The following EPPK1 variants were observed in gnomAD, a reference collection of about 807,000 sequenced individuals.
The protein encoded by EPPK1 is epiplakin 1.
For missense variants in EPPK1, 3,823 were observed against 3,673.3 expected (o/e 1.04, Z -1.05); for synonymous variants, 1,862 against 1,721.2 (o/e 1.08, Z -2.03).
chr8:143,877,521 G>A (rs550044915), intron 1 of EPPK1, among the ~76,000 whole-genome samples: 2 of 152,298 alleles, frequency 1.3e-5, no homozygotes, highest in East Asian at 3.9e-4. Flanking sequence ...AAGTGGTGGA[G>A]GGCCGTTCCT....
chr8:143,866,170 C>G lies in EPPK1; in HGVS notation c.7084G>C (p.Ala2362Pro). 2.4e-6 allele frequency: 1 copy of G among 412,478 alleles called. No individual in the cohort carries two copies. Among genetic ancestry groups the G allele is most frequent in the Non-Finnish European group, 4.0e-6 (1 of 246,934 alleles). The allele number at this position is 412,478 out of a possible 1,614,324, so 25.6% of individuals were successfully genotyped here. ...VHSHRVPVDV[A>P]YRRGYFDEEM... is the part of the protein sequence containing the mutation. The stretch of plus-strand genomic sequence containing the variant: ...TCGTCGAAGTAGCCGCGCCGGTAGG[C>G]CACGTCCACGGGCACGCGGTGGCTG... The change falls in exon 2 of 2, where the codon GCC becomes CCC. Residue 2362 changes from alanine to proline, a missense_variant. Transcript: ENST00000615648.
At position 143,873,113 on chromosome 8, in the gene EPPK1, A is replaced by G. The variant is rs1394714028; in HGVS notation, c.141T>C (p.Tyr47=). The G allele has an allele frequency of 5.7e-6, 9 of 1,567,852 alleles. No individual in the cohort carries two copies. The highest frequency in any genetic ancestry group is 2.2e-5 in the East Asian group (1 of 44,518). Residue 47 remains tyrosine (Y), a synonymous_variant, in exon 2 of 2, where the codon TAT becomes TAC. Coordinates refer to ENST00000615648, the MANE Select transcript of EPPK1 (RefSeq NM_031308.4). ...TCTGGGCCTGGCCCGAGGCCTCCAC[A>G]TACACCCCAGCTATGCTCCTGGCCT... ...RPQARSIAGV[Y]VEASGQAQSV...
chr8:143,874,621 G>A lies in EPPK1; in HGVS notation c.-45-1323C>T, dbSNP rs528084037. 4.3e-4 allele frequency among the ~76,000 whole-genome samples: 66 copies of A among 152,254 alleles called. 1 individual carries two copies. The highest frequency in any genetic ancestry group is 3.7e-3 in the Admixed American group (57 of 15,288). ...CGGCCCTGCCCACTCCTCGCCTTCCGGCTTCTGGCCTCTAGAGCTGTGAGA... is the reference window on the plus strand; with the variant it reads ...CGGCCCTGCCCACTCCTCGCCTTCCAGCTTCTGGCCTCTAGAGCTGTGAGA... On this transcript the variant is annotated intron_variant, in intron 1 of 1. Transcript: ENST00000615648.
In EPPK1 at chr8:143,869,146, G is replaced by A. The variant is rs1252176868; in HGVS notation, c.4108C>T (p.His1370Tyr). Residue 1370 changes from histidine to tyrosine, a missense_variant, in exon 2 of 2, where the codon CAC becomes TAC. Coordinates refer to ENST00000615648, the MANE Select transcript of EPPK1 (RefSeq NM_031308.4). ...LATGGVVDPV[H>Y]GVHLPQAAAC... The stretch of plus-strand genomic sequence containing the variant: ...GCCGCCTGGGGCAGGTGCACCCCGT[G>A]GACAGGGTCCACCACACCCCCTGTG... 1 of 1,606,492 alleles carries A rather than the reference G, an allele frequency of 6.2e-7. No individual in the cohort carries two copies. The highest frequency in any genetic ancestry group is 1.1e-5 in the South Asian group (1 of 91,016).
In EPPK1 at chr8:143,871,386, C is replaced by A. The variant is rs782736147; in HGVS notation, c.1868G>T (p.Arg623Leu). ...GCATCGGGCCTCATAGATGCTCAGG[C>A]GTTCCTGGGAGCCAGGGAGCAGCAG... Reference protein sequence around the residue: ...AGLLLPGSQERLSIYEARCKG... With the variant: ...AGLLLPGSQELLSIYEARCKG... Residue 623 changes from arginine (R) to leucine (L), a missense_variant, in exon 2 of 2, where the codon CGC becomes CTC. Physicochemically the swap from Arg to Leu is moderately radical, Grantham distance 102. Coordinates refer to ENST00000615648, the MANE Select transcript of EPPK1 (RefSeq NM_031308.4). 6.2e-7 allele frequency: 1 copy of A among 1,606,242 alleles called. No homozygotes were observed. The highest frequency in any genetic ancestry group is 1.3e-5 in the African/African-American group (1 of 74,844).
rs577658185 is a variant in EPPK1, at chr8:143,870,780, C to T, written c.2474G>A (p.Arg825Gln). 4.3e-6 allele frequency: 7 copies of T among 1,612,714 alleles called. No homozygotes were observed. Among genetic ancestry groups the T allele is most frequent in the East Asian group, 2.2e-5 (1 of 44,878 alleles). The change falls in exon 2 of 2, where the codon CGG becomes CAG. Residue 825 changes from arginine to glutamine, a missense_variant. Arg to Gln is a conservative substitution (Grantham distance 43). Transcript: ENST00000615648. The surrounding 1 kb of genome is among the most constrained non-coding windows in gnomAD (Gnocchi z 5.2). ...QNLLLSVKYG[R>Q]FQGQRVSAWE... ...CGCGGAGACCCTCTGCCCCTGAAAC[C>T]GTCCATACTTCACGGAGAGCAGCAG...
intron 1 of EPPK1, among the ~76,000 whole-genome samples, chr8:143,873,515 C>A (rs1362508240): frequency 6.6e-6 from 1 of 152,082 alleles, no homozygotes; most frequent in South Asian, 2.1e-4. Context: ...GGCGCAGGCA[C>A]CCAGGCGGCG....
chr8:143,858,001 G>C lies in EPPK1; in HGVS notation c.15253C>G (p.Leu5085Val), dbSNP rs782523266. 15 of 1,604,920 alleles carry C rather than the reference G, an allele frequency of 9.3e-6. No homozygotes were observed. Among genetic ancestry groups the C allele is most frequent in the African/African-American group, 5.4e-5 (4 of 74,576 alleles). The change falls in exon 2 of 2, where the codon CTC (leucine) becomes GTC (valine). Residue 5085 changes from leucine to valine, a missense_variant. Coordinates refer to ENST00000615648, the MANE Select transcript of EPPK1 (RefSeq NM_031308.4). ...AGGAAGCCCAGTCACTGTAGAGAGA[G>C]AGAAAGAAATAGGAGCCCCGTCTCA... ...DPETGLLFLSLSLQ is the reference protein window; with the variant it reads ...DPETGLLFLSVSLQ
At position 143,872,055 on chromosome 8, in the gene EPPK1, G is replaced by T. The variant is rs1478917697; in HGVS notation, c.1199C>A (p.Ala400Asp). ...TGCTGGACAGACCAGCCCGCCTGTG[G>T]CCAGCTGGGCATCCAAGAGCCGCAG... ...LALRLLDAQL[A>D]TGGLVCPARR... is the part of the protein sequence containing the mutation. The change falls in exon 2 of 2, where the codon GCC becomes GAC. Residue 400 changes from alanine to aspartate, a missense_variant. By Grantham distance (126) the Ala-to-Asp change is moderately radical. Transcript: ENST00000615648. The T allele has an allele frequency of 1.9e-6, 3 of 1,560,502 alleles. No individual in the cohort carries two copies. Among genetic ancestry groups the T allele is most frequent in the East Asian group, 4.8e-5 (2 of 41,872 alleles).
In EPPK1 at chr8:143,872,764, C is replaced by T. The variant is rs200950566; in HGVS notation, c.490G>A (p.Ala164Thr). The T allele has an allele frequency of 3.1e-4, 492 of 1,584,436 alleles. 3 individuals are homozygous for T. In the African/African-American group the frequency reaches 4.9e-3, roughly 16 times the overall value. ...QLATGGLVDP[A>T]QGVLVAPEPA... ...TCAGGGGCCACGAGCACTCCCTGGG[C>T]GGGGTCCACCAGGCCCCCAGTGGCC... The change falls in exon 2 of 2, where the codon GCC (alanine) becomes ACC (threonine). Residue 164 changes from alanine to threonine, a missense_variant. Transcript: ENST00000615648.
rs372412135 is a variant in EPPK1, at chr8:143,868,163, G to T, written c.5091C>A (p.His1697Gln). 1.9e-6 allele frequency: 3 copies of T among 1,613,038 alleles called. No homozygotes were observed. Among genetic ancestry groups the T allele is most frequent in the Non-Finnish European group, 2.5e-6 (3 of 1,180,028 alleles). ...GGTAGGCCACGTCCACGGGCACGCGGTGGCTGTGCACGGGGTCGATGATGC... is the reference window on the plus strand; with the variant it reads ...GGTAGGCCACGTCCACGGGCACGCGTTGGCTGTGCACGGGGTCGATGATGC... The part of the protein sequence containing the change: ...TGGIIDPVHS[H>Q]RVPVDVAYRC... Residue 1697 changes from histidine to glutamine, a missense_variant, in exon 2 of 2, where the codon CAC becomes CAA. Coordinates refer to ENST00000615648, the MANE Select transcript of EPPK1 (RefSeq NM_031308.4).
At chr8:143,878,607 T>G (rs1434779151), upstream of EPPK1, 2 of 151,150 alleles carry the variant, frequency 1.3e-5, no homozygotes, top group African/African-American at 4.9e-5. Flanking sequence ...GCCTGGCGCT[T>G]GCACCCCGGG....
chr8:143,871,006 C>T lies in EPPK1; in HGVS notation c.2248G>A (p.Asp750Asn), dbSNP rs782440328. Residue 750 changes from aspartate to asparagine, a missense_variant, in exon 2 of 2, where the codon GAT (aspartate) becomes AAT (asparagine). Physicochemically the swap from Asp to Asn is conservative, Grantham distance 23. Transcript: ENST00000615648. ...AACAGGATCAAGTTCAGCATCTGAT[C>T]GAAGTAGCCGCGCCGGTAGGCCACG... ...VDVAYRRGYFDQMLNLILLDP... is the reference protein window; with the variant it reads ...VDVAYRRGYFNQMLNLILLDP... 1.5e-4 allele frequency: 241 copies of T among 1,613,146 alleles called. 2 individuals are homozygous for T. In the South Asian group the frequency reaches 1.7e-3, roughly 11 times the overall value.
chr8:143,867,832 C>T lies in EPPK1; in HGVS notation c.5422G>A (p.Asp1808Asn). 6.2e-7 allele frequency: 1 copy of T among 1,613,526 alleles called. No individual in the cohort carries two copies. Among genetic ancestry groups the T allele is most frequent in the Non-Finnish European group, 8.5e-7 (1 of 1,179,826 alleles). Residue 1808 changes from aspartate (D) to asparagine (N), a missense_variant, in exon 2 of 2, where the codon GAC becomes AAC. Coordinates refer to ENST00000615648, the MANE Select transcript of EPPK1 (RefSeq NM_031308.4). ...TCCTGGATGAGCTCCCGCTTCCTGT[C>T]CTCTGTGAAGTATGGAGAGGACAGC... ...DLLSSPYFTE[D>N]RKRELIQEYG...
At chr8:143,873,507 C>T (rs1819423290) in intron 1 of EPPK1, among the ~76,000 whole-genome samples, 2 of 152,064 alleles carry the variant, frequency 1.3e-5, no homozygotes, top group Admixed American at 6.5e-5. Context: ...ACCATGTGGG[C>T]GCAGGCACCC....
Position 143,871,970 on chromosome 8 carries a change from A to C in EPPK1, c.1284T>G (p.Thr428=), listed in dbSNP as rs1563887602. 1 of 1,595,470 alleles carries C rather than the reference A, an allele frequency of 6.3e-7. No individual in the cohort carries two copies. Among genetic ancestry groups the C allele is most frequent in the East Asian group, 2.2e-5 (1 of 44,648 alleles). Residue 428 remains threonine (T), a synonymous_variant, in exon 2 of 2, where the codon ACT becomes ACG. Coordinates refer to ENST00000615648, the MANE Select transcript of EPPK1 (RefSeq NM_031308.4). ...TGCCAGCCTGCGAGAGCTGCCGCTG[A>C]GTGTCTTCATCCAGGCAGCCGCAGC... The part of the protein sequence containing the change: ...ALRCGCLDED[T]QRQLSQAGSF...
At chr8:143,875,141 A>G (rs1483349961) in intron 1 of EPPK1, among the ~76,000 whole-genome samples, 3 of 152,154 alleles carry the variant, frequency 2.0e-5, no homozygotes, top group Admixed American at 2.0e-4. Flanking sequence ...GAGGTCTCAC[A>G]GGCACCCCAT....
At chr8:143,875,700 A>G (rs1267206013) in intron 1 of EPPK1, among the ~76,000 whole-genome samples, 3 of 152,234 alleles carry the variant, frequency 2.0e-5, no homozygotes, top group African/African-American at 7.2e-5. Context: ...TCGTGGTGCA[A>G]TGGGCCACGG....
chr8:143,878,422 G>GCCGCACCCGCCGCACCCGC lies in EPPK1; in HGVS notation c.-46+15_-46+16insGCGGGTGCGGCGGGTGCGG, dbSNP rs1554662629. The stretch of plus-strand genomic sequence containing the variant: ...CGCACCCGCCGCACCCGCCGCACCC[G>GCCGCACCCGCCGCACCCGC]CCGCACCCGCCGCACCTGCCCGCTC... On this transcript the variant is annotated intron_variant, in intron 1 of 1. Transcript: ENST00000615648. 2 of 95,338 alleles carry GCCGCACCCGCCGCACCCGC rather than the reference G, an allele frequency of 2.1e-5. No individual in the cohort carries two copies. Among genetic ancestry groups the GCCGCACCCGCCGCACCCGC allele is most frequent in the Non-Finnish European group, 4.4e-5 (2 of 45,224 alleles). 5.9% of individuals were successfully genotyped at this position (95,338 alleles called of 1,614,324 possible). A position where few individuals can be genotyped will look rare whatever the true frequency, so the allele number is the denominator to read the frequency against.
Sources: allele counts gnomAD v4.1 joint callset (sites outside exome capture counted in the v4.1 genomes callset), GRCh38; gene constraint gnomAD v4.1.1; non-coding constraint Gnocchi (gnomAD v3.1); transcripts MANE v1.5; gene names NCBI Gene and HGNC (gene_info 2026-07-23, HGNC 2026-07-21).